The following SFR1 variants were observed in gnomAD, a reference collection of about 807,000 sequenced individuals.
SFR1 encodes swi5-dependent recombination DNA repair protein 1 homolog.
A neutral mutation model predicts 26.2 loss-of-function variants in SFR1; 24 were observed. That is an observed-to-expected ratio of 0.92 (90% confidence interval 0.66 to 1.29). The LOEUF is 1.29. Ranked by LOEUF, SFR1 falls within the 50% of genes most tolerant of loss-of-function variation. The probability of loss-of-function intolerance (pLI) is 0.00; values close to 1 mark genes in which losing one functional copy is unlikely to be tolerated. For missense variants in SFR1, 276 were observed against 270.2 expected (o/e 1.02, Z -0.15); for synonymous variants, 77 against 96.6 (o/e 0.80, Z 1.19).
At chr10:104,122,066 C>G (rs1212188771), upstream of SFR1, 11 of 1,268,568 alleles carry the variant, frequency 8.7e-6, no homozygotes, top group Non-Finnish European at 1.2e-5. Context: ...GAAGCGGCGC[C>G]TCGCGCGTCA....
At chr10:104,121,920 T>A, upstream of SFR1, 1 of 394,492 alleles carries the variant, frequency 2.5e-6, no homozygotes, top group South Asian at 2.7e-5. Context: ...TCTCGGGCGC[T>A]GGGCGGGGAG....
chr10:104,125,586 A>G lies in SFR1; in HGVS notation c.620A>G (p.Gln207Arg), dbSNP rs200907400. 5 of 1,613,712 alleles carry G rather than the reference A, an allele frequency of 3.1e-6. No homozygotes were observed. The highest frequency in any genetic ancestry group is 1.7e-5 in the Admixed American group (1 of 59,996). Residue 207 changes from glutamine (Q) to arginine (R), a missense_variant, in exon 4 of 4, where the codon CAG becomes CGG. Gln to Arg is a conservative substitution (Grantham distance 43, BLOSUM62 1). Coordinates refer to ENST00000369727, the MANE Select transcript of SFR1 (RefSeq NM_001002759.2). The stretch of plus-strand genomic sequence containing the variant: ...AGCCAGCTCTTGCTTTATGAGTTGC[A>G]GTCAGCTGTGTCTGAAGAGAACAAG... Reference protein sequence around the residue: ...SCSQLLLYELQSAVSEENKKL... With the variant: ...SCSQLLLYELRSAVSEENKKL...
upstream of SFR1, among the ~76,000 whole-genome samples, chr10:104,120,390 T>C (rs12257896): frequency 0.044 from 6,744 of 152,314 alleles, 495 homozygotes; most frequent in African/African-American, 0.15. Context: ...GGTTAACTTA[T>C]GTAATTTTAA....
rs769956145 is a variant in SFR1, at chr10:104,124,021, CTAAACAAAGATTA to C, written c.444_456del (p.Lys149ThrfsTer8). On this transcript the variant is annotated frameshift_variant, in exon 3 of 4. Coordinates refer to ENST00000369727, the MANE Select transcript of SFR1 (RefSeq NM_001002759.2). LOFTEE classifies it high-confidence loss of function. The stretch of plus-strand genomic sequence containing the variant: ...AATGAGTTTGTGAGTGAGAAGCTTC[CTAAACAAAGATTA>C]AACGCTGAAAAAGCCAAATTGGTGA... The C allele has an allele frequency of 6.2e-6, 10 of 1,613,830 alleles. No homozygotes were observed.
upstream of SFR1, chr10:104,122,081 A>G (rs975378156): frequency 7.4e-5 from 99 of 1,341,030 alleles, no homozygotes; most frequent in African/African-American, 8.8e-5. Flanking sequence ...GCGTCAGGCA[A>G]TCTGGCCAAT....
intron 3 of SFR1, among the ~76,000 whole-genome samples, chr10:104,125,242 T>A (rs749052517): frequency 2.6e-5 from 4 of 152,236 alleles, no homozygotes; most frequent in Admixed American, 6.5e-5. Flanking sequence ...TTATTGCTTC[T>A]TGACATAGTT....
At chr10:104,121,732 A>T (rs931817918), upstream of SFR1, among the ~76,000 whole-genome samples, 1 of 152,176 alleles carries the variant, frequency 6.6e-6, no homozygotes, top group Non-Finnish European at 1.5e-5. Flanking sequence ...TTTCAGGCGC[A>T]CTTCACAGAC....
chr10:104,124,877 G>A (rs962111882), intron 3 of SFR1, among the ~76,000 whole-genome samples: 1 of 152,152 alleles, frequency 6.6e-6, no homozygotes, highest in African/African-American at 2.4e-5. Flanking sequence ...GCTTATTGCA[G>A]CCTTGAACTC....
intron 2 of SFR1, 101 bp from the exon 3 acceptor site, chr10:104,123,613 G>T: frequency 2.3e-6 from 2 of 855,590 alleles, no homozygotes; most frequent in Non-Finnish European, 3.5e-6. Context: ...GCCATCTAGT[G>T]GTGTCTAGCA....
chr10:104,124,702 T>C (rs1933890), intron 3 of SFR1, among the ~76,000 whole-genome samples: 2 of 151,912 alleles, frequency 1.3e-5, no homozygotes, highest in African/African-American at 2.4e-5. Context: ...GTGGAATAAG[T>C]GATGGGATAG....
In SFR1 at chr10:104,126,295, C is replaced by T. The variant is rs1478799060; in HGVS notation, c.*591C>T. ...CCCTAAAGTTTAAAAATTTCTGCCT[C>T]CTAAGTTTATGTACCTTGTTTCCAT... On this transcript the variant is annotated 3_prime_UTR_variant, in exon 4 of 4. Coordinates refer to ENST00000369727, the MANE Select transcript of SFR1 (RefSeq NM_001002759.2). The T allele has an allele frequency of 6.6e-6, 1 of 152,654 alleles. No individual in the cohort carries two copies. Among genetic ancestry groups the T allele is most frequent in the Non-Finnish European group, 1.5e-5 (1 of 68,060 alleles). 9.5% of individuals were successfully genotyped at this position (152,654 alleles called of 1,614,324 possible).
At chr10:104,121,362 G>T (rs1211687215), upstream of SFR1, among the ~76,000 whole-genome samples, 4 of 152,130 alleles carry the variant, frequency 2.6e-5, no homozygotes, top group African/African-American at 9.7e-5. Flanking sequence ...AAAACCTCGC[G>T]ACGGGACCGC....
chr10:104,121,814 C>G (rs941483404), upstream of SFR1, among the ~76,000 whole-genome samples: 2 of 152,190 alleles, frequency 1.3e-5, no homozygotes, highest in African/African-American at 4.8e-5. Context: ...CGGAAGCGCG[C>G]CCCCCTCAGG....
upstream of SFR1, among the ~76,000 whole-genome samples, chr10:104,121,817 C>G (rs1369748498): frequency 6.6e-6 from 1 of 152,220 alleles, no homozygotes; most frequent in Non-Finnish European, 1.5e-5. Flanking sequence ...AAGCGCGCCC[C>G]CCTCAGGATT....
At chr10:104,121,912 T>G, upstream of SFR1, 1 of 410,964 alleles carries the variant, frequency 2.4e-6, no homozygotes. Flanking sequence ...CACGCTGCTC[T>G]CGGGCGCTGG....
chr10:104,124,195 T>C, intron 3 of SFR1, 71 bp downstream of exon 3: 10 of 1,365,264 alleles, frequency 7.3e-6, no homozygotes, highest in South Asian at 3.6e-5. Flanking sequence ...ATTTCAAAAA[T>C]AGAATTTTTT....
chr10:104,122,847 G>A (rs2086980550), intron 1 of SFR1, 118 bp from the exon 2 acceptor site: 1 of 1,544,810 alleles, frequency 6.5e-7, no homozygotes, highest in East Asian at 2.4e-5. Context: ...AGTGAAATTA[G>A]AAGAAATATC....
In SFR1 at chr10:104,124,068, C is replaced by T; in HGVS notation, c.490C>T (p.Gln164Ter). Residue 164 changes from glutamine (Q) to a stop codon, truncating the protein, a stop_gained, in exon 3 of 4, where the codon CAG (glutamine) becomes TAG (stop). Coordinates refer to ENST00000369727, the MANE Select transcript of SFR1 (RefSeq NM_001002759.2). LOFTEE classifies it high-confidence loss of function. ...AEKAKLVKQV[Q>*]EKEDLLRRLK... ...AAAAGCCAAATTGGTGAAGCAGGTT[C>T]AGGAGAAAGAAGACCTTCTTCGGAG... 1 of 1,613,712 alleles carries T rather than the reference C, an allele frequency of 6.2e-7. No homozygotes were observed.
chr10:104,123,243 C>T, intron 2 of SFR1, 157 bp downstream of exon 2: 1 of 584,884 alleles, frequency 1.7e-6, no homozygotes, highest in South Asian at 2.9e-5. Context: ...TCTAAGGTGA[C>T]ATATATGACA....
Sources: allele counts gnomAD v4.1 joint callset (sites outside exome capture counted in the v4.1 genomes callset), GRCh38; gene constraint gnomAD v4.1.1; transcripts MANE v1.5; gene names NCBI Gene and HGNC (gene_info 2026-07-23, HGNC 2026-07-21).